GATA4: variants seen among roughly 807,000 people sequenced by gnomAD.
GATA4 encodes the protein GATA binding protein 4, also known as transcription factor GATA-4.
Under a neutral mutation model 37.9 loss-of-function variants are expected in GATA4, and 7 were observed. The observed-to-expected ratio is 0.18, with a 90% CI of 0.11 to 0.35. The LOEUF is 0.35. Among genes scored for constraint, GATA4 ranks in the 10% least tolerant of loss-of-function variants. The pLI is 1.00. For missense variants in GATA4, 647 were observed against 653.0 expected, an observed-to-expected ratio of 0.99 and a Z score of 0.10; for synonymous variants, 372 against 292.6, an observed-to-expected ratio of 1.27 and a Z score of -2.77.
intron 2 of GATA4, among the ~76,000 whole-genome samples, chr8:11,736,740 A>AC (rs1195272099): frequency 6.6e-6 from 1 of 152,270 alleles, no homozygotes; most frequent in East Asian, 1.9e-4. Context: ...GCTTAAAAAA[A>AC]AAGTGACAGA....
chr8:11,737,637 G>T (rs1801526662), intron 2 of GATA4, among the ~76,000 whole-genome samples: 1 of 152,216 alleles, frequency 6.6e-6, no homozygotes, highest in African/African-American at 2.4e-5. Flanking sequence ...CAGGAGCTAG[G>T]GTGCTGTGAA....
Position 11,692,662 on chromosome 8 carries a change from T to G in GATA4, c.-729+2T>G. On this transcript the variant is annotated splice_donor_variant, in intron 1 of 2. Coordinates refer to the GATA4 transcript ENST00000526974. LOFTEE classifies it low-confidence loss of function (5UTR_SPLICE). ...CGCCTCAGCCGACCTCCACCGCGGG[T>G]GCGTGCGGGGGTGCGGGGGTGAGGG... is the stretch of plus-strand genomic sequence containing the variant. 1.0e-6 allele frequency: 1 copy of G among 981,896 alleles called. No individual in the cohort carries two copies. 60.8% of individuals were successfully genotyped at this position (981,896 alleles called of 1,614,324 possible).
upstream of GATA4, among the ~76,000 whole-genome samples, chr8:11,691,576 T>C (rs1001327199): frequency 6.6e-6 from 1 of 152,210 alleles, no homozygotes; most frequent in Non-Finnish European, 1.5e-5. Flanking sequence ...GGAGACAGTT[T>C]AGTAGTCTCT....
intron 4 of GATA4, among the ~76,000 whole-genome samples, chr8:11,750,974 A>G (rs1209538494): frequency 6.6e-6 from 1 of 152,078 alleles, no homozygotes; most frequent in Non-Finnish European, 1.5e-5. Context: ...TAGATAATAA[A>G]ATACTGCAAA....
rs540153097 is a variant in GATA4, at chr8:11,707,461, A to G, written c.-457-395A>G. Reference sequence around the variant, plus strand: ...TGGGGAGAGATGGGGAACAGAGGAGATGAGAGATTTCTTGGGTCCCAGGCA... The same window carrying G: ...TGGGGAGAGATGGGGAACAGAGGAGGTGAGAGATTTCTTGGGTCCCAGGCA... On this transcript the variant is annotated intron_variant, in intron 1 of 6. Transcript: ENST00000532059. This position sits in a 1 kb window ranked among gnomAD's most constrained non-coding sequence, Gnocchi z 4.7. Among the ~76,000 whole-genome samples, 4 of 152,180 alleles carry G rather than the reference A, an allele frequency of 2.6e-5. No individual in the cohort carries two copies. Among genetic ancestry groups the G allele is most frequent in the Admixed American group, 2.6e-4 (4 of 15,298 alleles).
At chr8:11,752,859 A>T (rs1029684875) in intron 4 of GATA4, among the ~76,000 whole-genome samples, 1 of 152,244 alleles carries the variant, frequency 6.6e-6, no homozygotes, top group African/African-American at 2.4e-5. Context: ...CATGTATACA[A>T]GGATGTTTGT....
chr8:11,703,874 G>A (rs1374771307), upstream of GATA4, among the ~76,000 whole-genome samples: 1 of 152,218 alleles, frequency 6.6e-6, no homozygotes, highest in Non-Finnish European at 1.5e-5. Context: ...GCCGCTGCGG[G>A]ATGAGGACCA....
chr8:11,754,438 G>C (rs184994358), intron 4 of GATA4, among the ~76,000 whole-genome samples: 1 of 152,250 alleles, frequency 6.6e-6, no homozygotes, highest in African/African-American at 2.4e-5. Flanking sequence ...GGATGGTCTC[G>C]AACTCCTGGG....
At chr8:11,693,558 C>CAG (rs1335915996) in intron 1 of GATA4, among the ~76,000 whole-genome samples, 44 of 82,394 alleles carry the variant, frequency 5.3e-4, no homozygotes, top group South Asian at 4.3e-3. Flanking sequence ...CACACACACA[C>CAG]ACACAGAGAG....
chr8:11,737,107 G>A (rs997993328), intron 2 of GATA4, among the ~76,000 whole-genome samples: 2 of 152,042 alleles, frequency 1.3e-5, no homozygotes, highest in African/African-American at 4.8e-5. Context: ...AAGTGATGGC[G>A]ATTGGAGCTT....
At chr8:11,687,438 C>T (rs1010354252) in intron 1 of GATA4, among the ~76,000 whole-genome samples, 5 of 152,222 alleles carry the variant, frequency 3.3e-5, no homozygotes, top group Admixed American at 3.3e-4. Context: ...CAATCCTCCT[C>T]TTGGCCCTGC....
exon 1 of GATA4, chr8:11,677,022 C>G (rs535132560): frequency 6.6e-6 from 1 of 152,520 alleles, no homozygotes; most frequent in Admixed American, 6.5e-5. Flanking sequence ...TTGCCTCACA[C>G]CAGGCCTTGA....
At chr8:11,706,339 G>T (rs1241373348) in intron 1 of GATA4, among the ~76,000 whole-genome samples, 1 of 152,152 alleles carries the variant, frequency 6.6e-6, no homozygotes, top group Non-Finnish European at 1.5e-5. Flanking sequence ...ATTTATTATA[G>T]TATATACATT....
chr8:11,732,199 A>G lies in GATA4; in HGVS notation c.617-16717A>G, dbSNP rs532534857. Among the ~76,000 whole-genome samples the G allele has an allele frequency of 3.9e-5, 6 of 152,354 alleles. No individual in the cohort carries two copies. In the East Asian group the frequency reaches 1.2e-3, roughly 29 times the overall value. ...TCAGATTGGATTAAAGCTATTAACCATGTGTAATAAAAGACTGTAGATTTT... is the reference window on the plus strand; with the variant it reads ...TCAGATTGGATTAAAGCTATTAACCGTGTGTAATAAAAGACTGTAGATTTT... On this transcript the variant is annotated intron_variant, in intron 2 of 6. Coordinates refer to ENST00000532059, the MANE Select transcript of GATA4 (RefSeq NM_001308093.3).
intron 1 of GATA4, among the ~76,000 whole-genome samples, chr8:11,679,418 G>C (rs1798883110): frequency 6.6e-6 from 1 of 152,242 alleles, no homozygotes; most frequent in South Asian, 2.1e-4. Flanking sequence ...AGCCGGGTCT[G>C]ATAAAGCCCC....
chr8:11,729,607 G>C (rs942031807), intron 2 of GATA4, among the ~76,000 whole-genome samples: 2 of 151,684 alleles, frequency 1.3e-5, no homozygotes, highest in Non-Finnish European at 2.9e-5. Flanking sequence ...AAAGGAAGAA[G>C]GACTGTGTAG....
At chr8:11,699,596 A>C (rs1052985896), upstream of GATA4, among the ~76,000 whole-genome samples, 15 of 152,218 alleles carry the variant, frequency 9.9e-5, no homozygotes, top group African/African-American at 3.6e-4. Flanking sequence ...AGAAACATAC[A>C]TGGCGGCGCC....
upstream of GATA4, among the ~76,000 whole-genome samples, chr8:11,703,717 A>G (rs115367741): frequency 6.6e-6 from 1 of 152,158 alleles, no homozygotes; most frequent in East Asian, 1.9e-4. Flanking sequence ...CTGAACCTCC[A>G]AGGAATCCGG....
rs1211039622 is a variant in GATA4 at position 11,709,754 on chromosome 8, A to G, written c.616+826A>G. On this transcript the variant is annotated intron_variant, in intron 2 of 6. Coordinates refer to ENST00000532059, the MANE Select transcript of GATA4 (RefSeq NM_001308093.3). The surrounding 1 kb of genome is among the most constrained non-coding windows in gnomAD (Gnocchi z 4.3). The stretch of plus-strand genomic sequence containing the variant: ...GTGGTAGGTTCCATGCAGTGTTTCC[A>G]TCGGATGTCAGACGGGGAGGGACGG... Among the ~76,000 whole-genome samples the G allele has an allele frequency of 6.6e-6, 1 of 152,172 alleles. No homozygotes were observed. The highest frequency in any genetic ancestry group is 1.9e-4 in the East Asian group (1 of 5,176).
Sources: gnomAD v4.1 joint callset for allele counts (sites outside exome capture counted in the v4.1 genomes callset) on GRCh38, gnomAD v4.1.1 for gene constraint, Gnocchi (gnomAD v3.1) non-coding constraint, MANE v1.5 for transcripts, NCBI Gene and HGNC (gene_info 2026-07-23, HGNC 2026-07-21) for gene names.